Variants in ZNF831 observed in about 807,000 individuals in gnomAD.
The protein encoded by ZNF831 is chromosome 20 open reading frame 174.
Under a neutral mutation model 95.8 loss-of-function variants are expected in ZNF831, and 59 were observed. The ratio of observed to expected loss-of-function variants is 0.62; its 90% confidence interval spans 0.50 to 0.77. ZNF831 has a LOEUF of 0.77. Ranked by LOEUF, ZNF831 falls within the 30% of genes least tolerant of loss-of-function variation. ZNF831 has a pLI of 0.00. For synonymous variants in ZNF831, 961 were observed against 925.5 expected (o/e 1.04, Z -0.70); for missense variants, 2,205 against 2,164.0 (o/e 1.02, Z -0.38).
At chr20:59,147,998 AT>A (rs573629443) in intron 2 of ZNF831, among the ~76,000 whole-genome samples, 110 of 152,336 alleles carry the variant, frequency 7.2e-4, no homozygotes, top group Middle Eastern at 3.4e-3. Context: ...ATTTGCACCA[AT>A]TATTAGATCA....
At chr20:59,149,716 C>T (rs60439640) in intron 2 of ZNF831, among the ~76,000 whole-genome samples, 1,756 of 152,356 alleles carry the variant, frequency 0.012, 37 homozygotes, top group African/African-American at 0.041. Context: ...TGTTTCATGC[C>T]TGAGCCTTGT....
In ZNF831 at chr20:59,232,708, C is replaced by G. The variant is rs374664597; in HGVS notation, c.4028-20270C>G. ...TCATGAGCATCTATTTTGTACCCCA[C>G]ACAGTGTTTTAGGTGTTGGAAAAAC... On this transcript the variant is annotated intron_variant, in intron 4 of 5. Transcript: ENST00000371030. Among the ~76,000 whole-genome samples the G allele has an allele frequency of 4.6e-5, 7 of 152,250 alleles. No individual in the cohort carries two copies. The East Asian group carries it at 1.2e-3, about 25-fold the overall frequency.
At chr20:59,141,841 T>C (rs555815384) in intron 1 of ZNF831, among the ~76,000 whole-genome samples, 1 of 152,326 alleles carries the variant, frequency 6.6e-6, no homozygotes, top group African/African-American at 2.4e-5. Context: ...AATAAAAATA[T>C]AACAATTATA....
At chr20:59,185,266 A>G (rs1176372669) in intron 1 of ZNF831, among the ~76,000 whole-genome samples, 1 of 152,184 alleles carries the variant, frequency 6.6e-6, no homozygotes, top group African/African-American at 2.4e-5. Context: ...GTCAGCTGTC[A>G]TCTTGCCAGC....
At position 59,191,150 on chromosome 20, in the gene ZNF831, C is replaced by T; in HGVS notation, c.131C>T (p.Pro44Leu). 1 of 1,601,620 alleles carries T rather than the reference C, an allele frequency of 6.2e-7. No homozygotes were observed. Among genetic ancestry groups the T allele is most frequent in the South Asian group, 1.1e-5 (1 of 90,514 alleles). ...HLTLGPVLLP[P>L]EQGLAPPTVF... is the part of the protein sequence containing the mutation. ...ACCCTGGGCCCTGTCCTTCTGCCGC[C>T]AGAGCAGGGCCTGGCCCCCCCCACT... The change falls in exon 2 of 6, where the codon CCA (proline) becomes CTA (leucine). Residue 44 changes from proline to leucine, a missense_variant. Coordinates refer to ENST00000371030, the MANE Select transcript of ZNF831 (RefSeq NM_178457.3).
rs1417242036 is a variant in ZNF831 at position 59,164,009 on chromosome 20, G to C, written c.-235G>C. On this transcript the variant is annotated 5_prime_UTR_variant, in exon 1 of 6. Coordinates refer to ENST00000371030, the MANE Select transcript of ZNF831 (RefSeq NM_178457.3). The stretch of plus-strand genomic sequence containing the variant: ...GCTGCCTGCAGAGTAGGAACTGGGA[G>C]AGAACACTAAAATGCCCTCTCAGCA... 6.6e-6 allele frequency among the ~76,000 whole-genome samples: 1 copy of C among 152,152 alleles called. No individual in the cohort carries two copies. Among genetic ancestry groups the C allele is most frequent in the Non-Finnish European group, 1.5e-5 (1 of 68,034 alleles).
intron 4 of ZNF831, among the ~76,000 whole-genome samples, chr20:59,238,709 T>G (rs567025308): frequency 6.6e-6 from 1 of 152,344 alleles, no homozygotes; most frequent in African/African-American, 2.4e-5. Context: ...GAAGCTATAA[T>G]GAGCACCAAG....
chr20:59,204,436 T>G (rs1358128154), intron 3 of ZNF831, among the ~76,000 whole-genome samples: 1 of 152,186 alleles, frequency 6.6e-6, no homozygotes, highest in Non-Finnish European at 1.5e-5. Flanking sequence ...TTTGTCACGT[T>G]GGCCACAGCC....
intron 4 of ZNF831, among the ~76,000 whole-genome samples, chr20:59,241,534 T>C (rs1987337585): frequency 6.6e-6 from 1 of 152,196 alleles, no homozygotes; most frequent in Non-Finnish European, 1.5e-5. Flanking sequence ...ATAAGAAACA[T>C]ATATAAGAAA....
At chr20:59,253,208 T>C (rs889019136) in intron 5 of ZNF831, 70 bp downstream of exon 5, 8 of 1,559,314 alleles carry the variant, frequency 5.1e-6, no homozygotes, top group Non-Finnish European at 7.0e-6. Flanking sequence ...TTGTTCTTGC[T>C]GCTCTTGTTC....
At chr20:59,160,373 T>C (rs2146470958), upstream of ZNF831, 2 of 152,404 alleles carry the variant, frequency 1.3e-5, no homozygotes, top group African/African-American at 4.8e-5. Flanking sequence ...CGAGGGGCCG[T>C]GCAGGAGCCC....
At chr20:59,145,688 C>T (rs532108942) in intron 1 of ZNF831, among the ~76,000 whole-genome samples, 12 of 152,288 alleles carry the variant, frequency 7.9e-5, no homozygotes, top group African/African-American at 2.6e-4. Flanking sequence ...GGTTTGGTGG[C>T]TCTCAGTGGC....
At chr20:59,187,510 C>A (rs1177237136) in intron 1 of ZNF831, among the ~76,000 whole-genome samples, 1 of 152,064 alleles carries the variant, frequency 6.6e-6, no homozygotes, top group Non-Finnish European at 1.5e-5. Flanking sequence ...AAATATTTGT[C>A]ATTTAAGCCA....
At chr20:59,227,869 A>G (rs970049555) in intron 4 of ZNF831, among the ~76,000 whole-genome samples, 2 of 152,164 alleles carry the variant, frequency 1.3e-5, no homozygotes, top group African/African-American at 4.8e-5. Flanking sequence ...AAAAACATGC[A>G]TAGAGAAGTT....
In ZNF831 at chr20:59,132,573, T is replaced by C. The variant is rs182720475; in HGVS notation, c.-1425+9068T>C. 6.5e-3 allele frequency among the ~76,000 whole-genome samples: 995 copies of C among 152,358 alleles called. 6 individuals carry two copies. The highest frequency in any genetic ancestry group is 0.027 in the South Asian group (128 of 4,828). On this transcript the variant is annotated intron_variant, in intron 1 of 7. Coordinates refer to the ZNF831 transcript ENST00000637017. ...GACATCTCATCTTCACCTGCTTTTC[T>C]TTTGATGATCAGAGAGGTGAAGTAT...
intron 4 of ZNF831, among the ~76,000 whole-genome samples, chr20:59,237,968 AT>A (rs964876649): frequency 2.1e-4 from 32 of 151,604 alleles, no homozygotes; most frequent in Non-Finnish European, 4.0e-4. Context: ...AGAATACGTA[AT>A]TTTTTTTTAG....
rs2146569720 is a variant in ZNF831 at position 59,192,683 on chromosome 20, G to A, written c.1664G>A (p.Ser555Asn). Residue 555 changes from serine (S) to asparagine (N), a missense_variant, in exon 2 of 6, where the codon AGT (serine) becomes AAT (asparagine). By Grantham distance (46) the Ser-to-Asn change is conservative (BLOSUM62 1). Coordinates refer to ENST00000371030, the MANE Select transcript of ZNF831 (RefSeq NM_178457.3). This position sits in a 1 kb window ranked among gnomAD's most constrained non-coding sequence, Gnocchi z 5.2. Reference protein sequence around the residue: ...RSGLSSTDVPSGHPRALVRQA... With the variant: ...RSGLSSTDVPNGHPRALVRQA... The stretch of plus-strand genomic sequence containing the variant: ...GGACTAAGCTCGACTGACGTTCCCA[G>A]TGGGCATCCCCGGGCCCTGGTCAGA... 6.4e-7 allele frequency: 1 copy of A among 1,565,216 alleles called. No homozygotes were observed. The highest frequency in any genetic ancestry group is 8.6e-7 in the Non-Finnish European group (1 of 1,157,770).
Position 59,193,583 on chromosome 20 carries a change from C to A in ZNF831, c.2564C>A (p.Ser855Tyr), listed in dbSNP as rs2146585894. Residue 855 changes from serine (S) to tyrosine (Y), a missense_variant, in exon 2 of 6, where the codon TCC (serine) becomes TAC (tyrosine). Physicochemically the swap from Ser to Tyr is moderately radical, Grantham distance 144. Transcript: ENST00000371030. ...CCCACGCAGCCTGCCTCTTTGTCAT[C>A]CCAGAAGCAGGATGCCGATCCCGGG... ...GGPTQPASLS[S>Y]QKQDADPGEV... The A allele has an allele frequency of 6.2e-7, 1 of 1,610,240 alleles. No individual in the cohort carries two copies. Among genetic ancestry groups the A allele is most frequent in the African/African-American group, 1.3e-5 (1 of 74,998 alleles).
chr20:59,209,413 T>C (rs376723539), intron 4 of ZNF831, among the ~76,000 whole-genome samples: 36 of 152,094 alleles, frequency 2.4e-4, no homozygotes, highest in Admixed American at 6.5e-4. Context: ...TGGGGGTTCT[T>C]TTGGAAATCT....
Sources: gnomAD v4.1 joint callset for allele counts (sites outside exome capture counted in the v4.1 genomes callset) on GRCh38, gnomAD v4.1.1 for gene constraint, Gnocchi (gnomAD v3.1) non-coding constraint, MANE v1.5 for transcripts, NCBI Gene and HGNC (gene_info 2026-07-23, HGNC 2026-07-21) for gene names.